The following PITPNM1 variants were observed in gnomAD, a reference collection of about 807,000 sequenced individuals.
PITPNM1 encodes the protein membrane-associated phosphatidylinositol transfer protein 1.
In PITPNM1, 74 loss-of-function variants were observed where a neutral mutation model predicts 133.3. The ratio of observed to expected loss-of-function variants is 0.56; its 90% CI spans 0.46 to 0.67. PITPNM1 has a LOEUF of 0.67. Among genes scored for constraint, PITPNM1 ranks in the 30% least tolerant of loss-of-function variants. The probability of loss-of-function intolerance (pLI) is 0.00; values close to 1 mark genes in which losing one functional copy is unlikely to be tolerated. For synonymous variants in PITPNM1, 738 were observed against 741.4 expected, an observed-to-expected ratio of 1.00 and a Z score of 0.08; for missense variants, 1,398 against 1,739.5, an observed-to-expected ratio of 0.80 and a Z score of 3.49.
chr11:67,499,384 G>C (rs559466723), intron 8 of PITPNM1, among the ~76,000 whole-genome samples: 6 of 151,762 alleles, frequency 4.0e-5, no homozygotes, highest in African/African-American at 1.5e-4. Context: ...GTGGCTGGTG[G>C]TTATTGCCTT....
At position 67,502,073 on chromosome 11, in the gene PITPNM1, G is replaced by A. The variant is rs766243832; in HGVS notation, c.429C>T (p.Ile143=). 2.1e-5 allele frequency: 34 copies of A among 1,611,970 alleles called. No homozygotes were observed. The highest frequency in any genetic ancestry group is 3.3e-5 in the South Asian group (3 of 91,060). Residue 143 remains isoleucine, a synonymous_variant, in exon 5 of 24, where the codon ATC becomes ATT. Transcript: ENST00000356404. This position sits in a 1 kb window ranked among gnomAD's most constrained non-coding sequence, Gnocchi z 5.9. The part of the protein sequence containing the change: ...RRQRILDTID[I]VRDAVAPGEY... Reference sequence around the variant, plus strand: ...CGCCTGGGGCCACTGCATCCCGCACGATGTCGATGGTGTCTGAGGGAGTTC... The same window carrying A: ...CGCCTGGGGCCACTGCATCCCGCACAATGTCGATGGTGTCTGAGGGAGTTC...
intron 17 of PITPNM1, 31 bp downstream of exon 17, chr11:67,495,046 C>G (rs775944422): frequency 6.2e-7 from 1 of 1,611,720 alleles, no homozygotes; most frequent in Non-Finnish European, 8.5e-7. Flanking sequence ...CCGTCCCATT[C>G]TCATCTCCCA....
rs762972460 is a variant in PITPNM1 at position 67,502,313 on chromosome 11, CG to C, written c.393del (p.Glu132ArgfsTer82). ...TCACCCAGGATGCGCTGTCTCCTCT[CG>C]GCCCCGCTCAGGTTGAAGACGTTTG... Reference protein sequence around the residue: ...QQPNVFNLSGAERRQRILDTI... With the variant: ...QQPNVFNLSGXERRQRILDTI... On this transcript the variant is annotated frameshift_variant, in exon 4 of 24. Coordinates refer to ENST00000356404, the MANE Select transcript of PITPNM1 (RefSeq NM_004910.3). LOFTEE classifies it high-confidence loss of function. This position sits in a 1 kb window ranked among gnomAD's most constrained non-coding sequence, Gnocchi z 5.9. The C allele has an allele frequency of 6.2e-7, 1 of 1,613,266 alleles. No homozygotes were observed.
rs1296442074 is a variant in PITPNM1 at position 67,504,321 on chromosome 11, C to T, written c.-41-100G>A. ...GACTCAGGCCACGGGACCCCATGTC[C>T]GGGCCCGCCACGAGGGAGGCAGAGG... On this transcript the variant is annotated intron_variant, in intron 1 of 23. Coordinates refer to ENST00000356404, the MANE Select transcript of PITPNM1 (RefSeq NM_004910.3). The surrounding 1 kb of genome is among the most constrained non-coding windows in gnomAD (Gnocchi z 5.4). The T allele has an allele frequency of 5.3e-6, 2 of 378,396 alleles. No individual in the cohort carries two copies. The highest frequency in any genetic ancestry group is 1.1e-4 in the South Asian group (1 of 8,756). The allele number at this position is 378,396 out of a possible 1,614,324, so 23.4% of individuals were successfully genotyped here.
At chr11:67,500,566 C>T in intron 5 of PITPNM1, 145 bp from the exon 6 acceptor site, 1 of 733,698 alleles carries the variant, frequency 1.4e-6, no homozygotes, top group South Asian at 1.8e-5. Context: ...CAGTGCAGTC[C>T]AGGAATGGGA....
At chr11:67,499,696 G>A in intron 8 of PITPNM1, 27 bp downstream of exon 8, 1 of 1,274,214 alleles carries the variant, frequency 7.8e-7, no homozygotes, top group South Asian at 1.5e-5. Context: ...GGGTGCTGGG[G>A]GCCGGTGTCC....
Position 67,495,452 on chromosome 11 carries a change from C to CTGG in PITPNM1, c.2465_2467dup (p.Thr822dup), listed in dbSNP as rs775526147. On this transcript the variant is annotated inframe_insertion, in exon 16 of 24. Transcript: ENST00000356404. ...GGCTGACTTACTCTTAACCACCTCACTGGTGGTGCTGGGGGCGGCTGGCTG... is the reference window on the plus strand; with the variant it reads ...GGCTGACTTACTCTTAACCACCTCACTGGTGGTGGTGCTGGGGGCGGCTGGCTG... 2 of 1,526,814 alleles carry CTGG rather than the reference C, an allele frequency of 1.3e-6. No homozygotes were observed. Among genetic ancestry groups the CTGG allele is most frequent in the Non-Finnish European group, 1.8e-6 (2 of 1,136,180 alleles). The allele number at this position is 1,526,814 out of a possible 1,614,324, so 94.6% of individuals were successfully genotyped here.
chr11:67,501,880 G>C lies in PITPNM1; in HGVS notation c.622C>G (p.Gln208Glu). The C allele has an allele frequency of 1.2e-6, 2 of 1,613,698 alleles. No homozygotes were observed. Among genetic ancestry groups the C allele is most frequent in the Non-Finnish European group, 1.7e-6 (2 of 1,180,006 alleles). The change falls in exon 5 of 24, where the codon CAG becomes GAG. Residue 208 changes from glutamine to glutamate, a missense_variant. By Grantham distance (29) the Gln-to-Glu change is conservative (BLOSUM62 2). Coordinates refer to ENST00000356404, the MANE Select transcript of PITPNM1 (RefSeq NM_004910.3). The stretch of plus-strand genomic sequence containing the variant: ...TGCTCACCTACATCATGGATGAACT[G>C]CTCGATCTTGGCTTGCATGCCCCAG... ...RYWGMQAKIE[Q>E]FIHDVGLRRV... is the part of the protein sequence containing the mutation.
In PITPNM1 at chr11:67,498,560, C is replaced by T; in HGVS notation, c.1484+36G>A. Reference sequence around the variant, plus strand: ...CCCTGCCCCGCTCCCTGGCCTGATCCTACGAGTTCCCTGCCCTTCCACCCG... The same window carrying T: ...CCCTGCCCCGCTCCCTGGCCTGATCTTACGAGTTCCCTGCCCTTCCACCCG... On this transcript the variant is annotated intron_variant, in intron 10 of 23. Coordinates refer to ENST00000356404, the MANE Select transcript of PITPNM1 (RefSeq NM_004910.3). This position sits in a 1 kb window ranked among gnomAD's most constrained non-coding sequence, Gnocchi z 5.7. 3 of 1,585,302 alleles carry T rather than the reference C, an allele frequency of 1.9e-6. No homozygotes were observed. Among genetic ancestry groups the T allele is most frequent in the Non-Finnish European group, 2.6e-6 (3 of 1,171,496 alleles).
At chr11:67,494,822 G>GAGGACGAC (rs59817710) in intron 18 of PITPNM1, 24 bp downstream of exon 18, 4 of 1,559,828 alleles carry the variant, frequency 2.6e-6, no homozygotes, top group Non-Finnish European at 3.5e-6. Context: ...GAGTGGGCGA[G>GAGGACGAC]GGGGCGAGGG....
Position 67,502,175 on chromosome 11 carries a change from C to A in PITPNM1, c.416-89G>T. 3 of 1,555,232 alleles carry A rather than the reference C, an allele frequency of 1.9e-6. No homozygotes were observed. The highest frequency in any genetic ancestry group is 3.5e-5 in the Admixed American group (2 of 56,918). ...CTTGGGACTGGATGACAGTTCCCGT[C>A]CTTTTGCAGACAGGACATGAGGCCT... On this transcript the variant is annotated intron_variant, in intron 4 of 23. Transcript: ENST00000356404. The surrounding 1 kb of genome is among the most constrained non-coding windows in gnomAD (Gnocchi z 5.9).
Position 67,498,260 on chromosome 11 carries a change from G to A in PITPNM1, c.1547C>T (p.Ala516Val), listed in dbSNP as rs1866197741. 6.2e-7 allele frequency: 1 copy of A among 1,611,116 alleles called. No individual in the cohort carries two copies. Among genetic ancestry groups the A allele is most frequent in the Non-Finnish European group, 8.5e-7 (1 of 1,179,014 alleles). The stretch of plus-strand genomic sequence containing the variant: ...TGAGGTGGCCAGCAGTGGCAGGGCA[G>A]CCAGTGGAATGTGGTCTTGGGAGCG... ...LSRSQDHIPLAALPLLATSSS... is the reference protein window; with the variant it reads ...LSRSQDHIPLVALPLLATSSS... Residue 516 changes from alanine (A) to valine (V), a missense_variant, in exon 11 of 24, where the codon GCT (alanine) becomes GTT (valine). By Grantham distance (64) the Ala-to-Val change is moderately conservative. This residue lies in a region of PITPNM1 where 574 missense variants were observed against 698.7 expected (regional missense o/e 0.82). Transcript: ENST00000356404. This position sits in a 1 kb window ranked among gnomAD's most constrained non-coding sequence, Gnocchi z 5.7.
At position 67,497,503 on chromosome 11, in the gene PITPNM1, G is replaced by C; in HGVS notation, c.1940+19C>G. ...TCCATCATGTGCCCAGGGTAGGGGT[G>C]ATGGGGCAGGGACGTCACCTGTTCT... is the stretch of plus-strand genomic sequence containing the variant. On this transcript the variant is annotated intron_variant, in intron 13 of 23. Coordinates refer to ENST00000356404, the MANE Select transcript of PITPNM1 (RefSeq NM_004910.3). 6.2e-7 allele frequency: 1 copy of C among 1,603,394 alleles called. No homozygotes were observed. The highest frequency in any genetic ancestry group is 2.2e-5 in the East Asian group (1 of 44,722).
Position 67,500,254 on chromosome 11 carries a change from G to A in PITPNM1, c.808C>T (p.Pro270Ser), listed in dbSNP as rs770768803. Residue 270 changes from proline (P) to serine (S), a missense_variant, in exon 6 of 24, where the codon CCC becomes TCC. This residue lies in a region of PITPNM1 where 195 missense variants were observed against 178.8 expected (regional missense o/e 1.09). Coordinates refer to ENST00000356404, the MANE Select transcript of PITPNM1 (RefSeq NM_004910.3). ...NTGSEGSEAQ[P>S]PGKPSTEARS... ...GCCTCGGTGCTCGGTTTCCCGGGGG[G>A]CTGGGCCTCGGACCCCTCACTGCCT... The A allele has an allele frequency of 6.2e-7, 1 of 1,606,846 alleles. No individual in the cohort carries two copies. Among genetic ancestry groups the A allele is most frequent in the Non-Finnish European group, 8.5e-7 (1 of 1,179,834 alleles).
rs769964149 is a variant in PITPNM1, at chr11:67,493,759, G to A, written c.3087C>T (p.Gly1029=). The stretch of plus-strand genomic sequence containing the variant: ...TGATGGAGACGCTGGCGGTGAAGGA[G>A]CCGTCGATGCTGAAGACCACAGCCT... ...GTEAVVFSID[G]SFTASVSIMG... Residue 1029 remains glycine (G), a synonymous_variant, in exon 21 of 24, where the codon GGC becomes GGT. Transcript: ENST00000356404. 6.5e-7 allele frequency: 1 copy of A among 1,549,020 alleles called. No individual in the cohort carries two copies. The highest frequency in any genetic ancestry group is 1.2e-5 in the South Asian group (1 of 84,120).
Position 67,491,948 on chromosome 11 carries a change from G to T in PITPNM1, c.*85C>A, listed in dbSNP as rs1865937295. ...GGGGGGGCCAGCGCTGGGGCCAAAA[G>T]TCTGGGTCCCCAGCCTCCCACACGC... On this transcript the variant is annotated 3_prime_UTR_variant, in exon 24 of 24. Coordinates refer to ENST00000356404, the MANE Select transcript of PITPNM1 (RefSeq NM_004910.3). 4 of 1,486,044 alleles carry T rather than the reference G, an allele frequency of 2.7e-6. No individual in the cohort carries two copies. The highest frequency in any genetic ancestry group is 3.6e-6 in the Non-Finnish European group (4 of 1,098,456). 92.1% of individuals were successfully genotyped at this position (1,486,044 alleles called of 1,614,324 possible).
rs1326185435 is a variant in PITPNM1 at position 67,494,932 on chromosome 11, G to A, written c.2656C>T (p.Leu886=). Residue 886 remains leucine, a synonymous_variant, in exon 18 of 24, where the codon CTG becomes TTG. Coordinates refer to ENST00000356404, the MANE Select transcript of PITPNM1 (RefSeq NM_004910.3). The stretch of plus-strand genomic sequence containing the variant: ...ATGGACGGCTCCTCGCATTCCGCCA[G>A]CTGTGGCCGCTCCTTCTCGATCACC... ...RQVIEKERPQ[L]AECEEPSIYS... is the part of the protein sequence containing the mutation. The A allele has an allele frequency of 1.2e-6, 2 of 1,612,804 alleles. No individual in the cohort carries two copies. Among genetic ancestry groups the A allele is most frequent in the Non-Finnish European group, 1.7e-6 (2 of 1,179,818 alleles).
At position 67,496,453 on chromosome 11, in the gene PITPNM1, G is replaced by A. The variant is rs956779337; in HGVS notation, c.2147-105C>T. The A allele has an allele frequency of 7.9e-6, 8 of 1,016,364 alleles. No homozygotes were observed. In the East Asian group the frequency reaches 1.2e-4, roughly 15 times the overall value. The allele number at this position is 1,016,364 out of a possible 1,614,324, so 63.0% of individuals were successfully genotyped here. On this transcript the variant is annotated intron_variant, in intron 14 of 23. Transcript: ENST00000356404. Reference sequence around the variant, plus strand: ...GCACCCTGATGTCTGGTGTGACCCCGAGCCAGCACTTCCCAAACTGCACTC... The same window carrying A: ...GCACCCTGATGTCTGGTGTGACCCCAAGCCAGCACTTCCCAAACTGCACTC...
At position 67,497,559 on chromosome 11, in the gene PITPNM1, C is replaced by T. The variant is rs748614360; in HGVS notation, c.1903G>A (p.Asp635Asn). ...SALPPQRIPS[D>N]MASPEPEGSQ... ...CCCTCGGGCTCAGGACTGGCCATGTCGCTGGGGATGCGCTGGGGAGGCAAG... is the reference window on the plus strand; with the variant it reads ...CCCTCGGGCTCAGGACTGGCCATGTTGCTGGGGATGCGCTGGGGAGGCAAG... Residue 635 changes from aspartate (D) to asparagine (N), a missense_variant, in exon 13 of 24, where the codon GAC becomes AAC. Around this residue, in one of 5 missense-constraint regions of PITPNM1, gnomAD observed 574 missense variants for 698.7 expected, o/e 0.82. Coordinates refer to ENST00000356404, the MANE Select transcript of PITPNM1 (RefSeq NM_004910.3). 7.5e-6 allele frequency: 12 copies of T among 1,609,248 alleles called. No individual in the cohort carries two copies. The highest frequency in any genetic ancestry group is 1.7e-4 in the Middle Eastern group (1 of 6,046).
Sources: allele counts gnomAD v4.1 joint callset (sites outside exome capture counted in the v4.1 genomes callset), GRCh38; gene constraint gnomAD v4.1.1; regional missense constraint gnomAD v4.1.1; non-coding constraint Gnocchi (gnomAD v3.1); transcripts MANE v1.5; gene names NCBI Gene and HGNC (gene_info 2026-07-23, HGNC 2026-07-21).